CLTCL1: variants seen among roughly 807,000 people sequenced by gnomAD.
The protein encoded by CLTCL1 is clathrin heavy chain like 1, also known as clathrin heavy chain 2.
Under a neutral mutation model 190.0 loss-of-function variants are expected in CLTCL1, and 159 were observed. The ratio of observed to expected loss-of-function variants is 0.84; its 90% CI spans 0.74 to 0.95. The LOEUF (loss-of-function observed/expected upper bound fraction) is 0.95. CLTCL1 is among the 40% of genes least tolerant of loss of function. The pLI is 0.00. For missense variants in CLTCL1, 1,878 were observed against 2,033.4 expected (o/e 0.92, Z 1.47); for synonymous variants, 752 against 769.6 (o/e 0.98, Z 0.38).
At chr22:19,184,658 T>C (rs1555927480) in intron 29 of CLTCL1, 3 of 437,338 alleles carry the variant, frequency 6.9e-6, no homozygotes, top group Non-Finnish European at 1.4e-5. Context: ...CGGCCCAGCC[T>C]ACCCTTGCTG....
chr22:19,287,941 GT>G (rs1425748540), intron 1 of CLTCL1, among the ~76,000 whole-genome samples: 7 of 152,102 alleles, frequency 4.6e-5, no homozygotes, highest in African/African-American at 1.7e-4. Flanking sequence ...CTTATCCGTG[GT>G]TTTTTTCACA....
In CLTCL1 at chr22:19,221,470, G is replaced by A. The variant is rs782072061; in HGVS notation, c.2703C>T (p.Asp901=). The A allele has an allele frequency of 1.3e-6, 2 of 1,590,376 alleles. No homozygotes were observed. The highest frequency in any genetic ancestry group is 1.7e-6 in the Non-Finnish European group (2 of 1,168,116). Residue 901 remains aspartate (D), a synonymous_variant, in exon 17 of 33, where the codon GAC becomes GAT. Transcript: ENST00000427926. ...ECFLRENAYY[D]SSVVGRYCEK... The stretch of plus-strand genomic sequence containing the variant: ...CACAGTAGCGGCCCACCACGCTGCT[G>A]TCATAGTAGGCATTCTCTCTCAGGA...
chr22:19,257,169 A>G (rs2086788554), intron 2 of CLTCL1, among the ~76,000 whole-genome samples: 1 of 152,238 alleles, frequency 6.6e-6, no homozygotes, highest in Non-Finnish European at 1.5e-5. Flanking sequence ...AGGTTGGATG[A>G]TCTCACACTT....
At chr22:19,237,443 T>A (rs1175607713) in intron 5 of CLTCL1, among the ~76,000 whole-genome samples, 2 of 152,172 alleles carry the variant, frequency 1.3e-5, no homozygotes, top group African/African-American at 4.8e-5. Context: ...CAACATGGGA[T>A]GCTGTCCAGC....
At position 19,239,270 on chromosome 22, in the gene CLTCL1, C is replaced by A; in HGVS notation, c.795+5G>T. On this transcript the variant is annotated splice_donor_5th_base_variant and intron_variant, in intron 5 of 32. Coordinates refer to ENST00000427926, the MANE Select transcript of CLTCL1 (RefSeq NM_007098.4). ...GAAGATGTTTAGAGAGCAGCACATT[C>A]GTACCTGCATAGCCACTGGAAAATC... 1.3e-6 allele frequency: 2 copies of A among 1,593,160 alleles called. No homozygotes were observed. The highest frequency in any genetic ancestry group is 2.2e-5 in the East Asian group (1 of 44,770).
intron 22 of CLTCL1, among the ~76,000 whole-genome samples, chr22:19,202,405 C>T (rs112862993): frequency 4.8e-3 from 377 of 79,088 alleles, no homozygotes; most frequent in Middle Eastern, 0.013. Flanking sequence ...CCTCCTTCCG[C>T]CATCCACGGC....
At chr22:19,225,724 T>C in intron 12 of CLTCL1, 91 bp from the exon 13 acceptor site, 2 of 1,190,862 alleles carry the variant, frequency 1.7e-6, no homozygotes, top group Non-Finnish European at 1.2e-6. Flanking sequence ...CCTGTTCCCC[T>C]GAGTGTCAAA....
At chr22:19,221,831 T>A (rs889738503) in intron 16 of CLTCL1, 120 bp downstream of exon 16, 1 of 1,156,640 alleles carries the variant, frequency 8.6e-7, no homozygotes, top group Non-Finnish European at 1.2e-6. Context: ...AACTCATTGC[T>A]ACATCTAAGA....
At chr22:19,238,078 CTTATTTAT>C (rs1377210411) in intron 5 of CLTCL1, among the ~76,000 whole-genome samples, 4 of 151,528 alleles carry the variant, frequency 2.6e-5, no homozygotes, top group African/African-American at 7.3e-5. Flanking sequence ...TATTTTTATT[CTTATTTAT>C]TTATTTATTT....
At position 19,233,161 on chromosome 22, in the gene CLTCL1, G is replaced by A. The variant is rs371706961; in HGVS notation, c.1521+5C>T. Reference sequence around the variant, plus strand: ...GTGAGATGCCAGTGGTTCAACACACGTTACCTTTTTGGCATAGAGCACAAT... The same window carrying A: ...GTGAGATGCCAGTGGTTCAACACACATTACCTTTTTGGCATAGAGCACAAT... On this transcript the variant is annotated splice_donor_5th_base_variant and intron_variant, in intron 9 of 32. Coordinates refer to ENST00000427926, the MANE Select transcript of CLTCL1 (RefSeq NM_007098.4). The A allele has an allele frequency of 2.0e-5, 32 of 1,610,336 alleles. No individual in the cohort carries two copies. Among genetic ancestry groups the A allele is most frequent in the Non-Finnish European group, 2.5e-5 (30 of 1,177,036 alleles).
intron 26 of CLTCL1, among the ~76,000 whole-genome samples, chr22:19,193,363 A>C (rs1555933611): frequency 6.6e-6 from 1 of 152,232 alleles, no homozygotes; most frequent in African/African-American, 2.4e-5. Flanking sequence ...TGTTGGGCTC[A>C]GCTGCTGGGA....
intron 22 of CLTCL1, among the ~76,000 whole-genome samples, chr22:19,206,030 G>A (rs1555942576): frequency 6.6e-6 from 1 of 151,298 alleles, no homozygotes; most frequent in Admixed American, 6.6e-5. Context: ...AGCCTCCAGT[G>A]AGTCTCCCAC....
chr22:19,241,691 C>G (rs2086258202), intron 4 of CLTCL1, among the ~76,000 whole-genome samples: 1 of 152,244 alleles, frequency 6.6e-6, no homozygotes, highest in Non-Finnish European at 1.5e-5. Flanking sequence ...TGGCGGAACC[C>G]AAGGTCTCCC....
chr22:19,219,215 T>C (rs1555951054), intron 18 of CLTCL1, among the ~76,000 whole-genome samples: 2 of 151,812 alleles, frequency 1.3e-5, no homozygotes, highest in African/African-American at 4.8e-5. Context: ...TGAGACAGAG[T>C]CTCACCCAGT....
chr22:19,284,678 G>A (rs1478781915), intron 1 of CLTCL1, among the ~76,000 whole-genome samples: 1 of 151,478 alleles, frequency 6.6e-6, no homozygotes, highest in Non-Finnish European at 1.5e-5. Context: ...TAAATGGGCT[G>A]GGTGCAGTGG....
intron 30 of CLTCL1, chr22:19,182,179 C>T (rs2084162144): frequency 1.3e-5 from 2 of 152,290 alleles, no homozygotes; most frequent in Admixed American, 6.5e-5. Context: ...GAAAGACACC[C>T]GAGGGATGGG....
chr22:19,192,838 T>C (rs1373600848), intron 26 of CLTCL1, among the ~76,000 whole-genome samples: 1 of 152,238 alleles, frequency 6.6e-6, no homozygotes, highest in Non-Finnish European at 1.5e-5. Context: ...CCTATGGCAC[T>C]GGTGGGCCCC....
At chr22:19,281,717 A>G (rs1297623784) in intron 1 of CLTCL1, among the ~76,000 whole-genome samples, 1 of 152,130 alleles carries the variant, frequency 6.6e-6, no homozygotes, top group African/African-American at 2.4e-5. Flanking sequence ...TTTTGTTCTC[A>G]GTTTGGGGAT....
In CLTCL1 at chr22:19,180,774, G is replaced by A. The variant is rs2084108917; in HGVS notation, c.4860C>T (p.Arg1620=). ...GCTCTGTCACATGCTCCTCTTGCTTGCGCAGACTCTCCAAGGCATCCAGTT... is the reference window on the plus strand; with the variant it reads ...GCTCTGTCACATGCTCCTCTTGCTTACGCAGACTCTCCAAGGCATCCAGTT... ...VDKLDALESL[R]KQEEHVTEPA... The change falls in exon 31 of 33, where the codon CGC becomes CGT. Residue 1620 remains arginine, a synonymous_variant. Transcript: ENST00000427926. The A allele has an allele frequency of 6.2e-7, 1 of 1,613,718 alleles. No individual in the cohort carries two copies. The highest frequency in any genetic ancestry group is 8.5e-7 in the Non-Finnish European group (1 of 1,179,844).
Sources: allele counts gnomAD v4.1 joint callset (sites outside exome capture counted in the v4.1 genomes callset), GRCh38; gene constraint gnomAD v4.1.1; transcripts MANE v1.5; gene names NCBI Gene and HGNC (gene_info 2026-07-23, HGNC 2026-07-21).